The following D2HGDH variants were observed in gnomAD, a reference collection of about 807,000 sequenced individuals.
D2HGDH encodes D-2-hydroxyglutarate dehydrogenase, mitochondrial.
In D2HGDH, 31 loss-of-function variants were observed where a neutral mutation model predicts 46.9. That is an observed-to-expected ratio of 0.66 (90% confidence interval 0.50 to 0.89). The LOEUF is 0.89. D2HGDH is among the 40% of genes least tolerant of loss of function. The pLI, the probability that D2HGDH is intolerant of heterozygous loss-of-function variation, is 0.00. For missense variants in D2HGDH, 698 were observed against 720.8 expected (o/e 0.97, Z 0.36); for synonymous variants, 364 against 332.6 (o/e 1.09, Z -1.03).
chr2:241,761,965 CT>C (rs1276882884), intron 9 of D2HGDH, among the ~76,000 whole-genome samples: 1 of 152,048 alleles, frequency 6.6e-6, no homozygotes, highest in Non-Finnish European at 1.5e-5. Flanking sequence ...TCTGTTCTCT[CT>C]TCTGATGTCT....
rs1210493345 is a variant in D2HGDH at position 241,768,107 on chromosome 2, C to T, written c.*138C>T. On this transcript the variant is annotated 3_prime_UTR_variant, in exon 10 of 10. Transcript: ENST00000321264. The stretch of plus-strand genomic sequence containing the variant: ...TGGTTGAAGGGACTGGGAGCCCGCA[C>T]TGGGGAACTGCCGGACGCAGGCCCT... 1.5e-6 allele frequency: 2 copies of T among 1,292,718 alleles called. No homozygotes were observed. Among genetic ancestry groups the T allele is most frequent in the Non-Finnish European group, 2.1e-6 (2 of 966,868 alleles). The allele number at this position is 1,292,718 out of a possible 1,614,324, so 80.1% of individuals were successfully genotyped here.
chr2:241,735,531 G>C lies in D2HGDH; in HGVS notation c.292+15G>C. On this transcript the variant is annotated intron_variant, in intron 2 of 9. Coordinates refer to ENST00000321264, the MANE Select transcript of D2HGDH (RefSeq NM_152783.5). Reference sequence around the variant, plus strand: ...GACGCTGCGAGGTGGGTGAGGCTTGGGAAGCTGCGGCGTTTCCGCGTCCCT... The same window carrying C: ...GACGCTGCGAGGTGGGTGAGGCTTGCGAAGCTGCGGCGTTTCCGCGTCCCT... The C allele has an allele frequency of 1.2e-6, 2 of 1,602,684 alleles. No homozygotes were observed. The highest frequency in any genetic ancestry group is 1.7e-6 in the Non-Finnish European group (2 of 1,179,614).
intron 8 of D2HGDH, among the ~76,000 whole-genome samples, chr2:241,754,183 T>A (rs1236732455): frequency 1.3e-5 from 2 of 152,028 alleles, no homozygotes; most frequent in Non-Finnish European, 2.9e-5. Flanking sequence ...GCCGGTCTGA[T>A]GAGGAGGTAA....
intron 2 of D2HGDH, among the ~76,000 whole-genome samples, chr2:241,739,054 C>T (rs559128494): frequency 5.7e-4 from 87 of 152,364 alleles, no homozygotes; most frequent in African/African-American, 1.9e-3. Context: ...GGGAGCTTCG[C>T]GGTGTGAAAA....
chr2:241,739,011 G>A (rs1270261595), intron 2 of D2HGDH, among the ~76,000 whole-genome samples: 1 of 152,238 alleles, frequency 6.6e-6, no homozygotes, highest in Non-Finnish European at 1.5e-5. Flanking sequence ...TGCTGCAGAC[G>A]TTTAGTGAGC....
intron 5 of D2HGDH, 51 bp from the exon 6 acceptor site, chr2:241,744,658 G>A (rs767173951): frequency 1.1e-5 from 18 of 1,613,180 alleles, no homozygotes; most frequent in Non-Finnish European, 1.4e-5. Context: ...GGCGACCGAC[G>A]TCTTGTCAGG....
intron 6 of D2HGDH, chr2:241,749,216 C>G (rs1696652871): frequency 9.8e-7 from 1 of 1,019,870 alleles, no homozygotes; most frequent in South Asian, 1.5e-5. Context: ...TCCCACACCC[C>G]AGCCCTCTAC....
chr2:241,739,239 C>T (rs145967151), intron 2 of D2HGDH, among the ~76,000 whole-genome samples: 16,821 of 152,252 alleles, frequency 0.11, 1,012 homozygotes, highest in South Asian at 0.21. Flanking sequence ...GTGTCTGGAA[C>T]GCGGCCTGGC....
intron 8 of D2HGDH, chr2:241,754,848 C>A: frequency 2.4e-6 from 1 of 412,726 alleles, no homozygotes; most frequent in Non-Finnish European, 4.1e-6. Flanking sequence ...AGTGATCCTC[C>A]TGCCTCAGCC....
At chr2:241,736,788 G>A (rs543741741) in intron 2 of D2HGDH, among the ~76,000 whole-genome samples, 1 of 151,698 alleles carries the variant, frequency 6.6e-6, no homozygotes, top group Admixed American at 6.6e-5. Flanking sequence ...AGCCTCCCAA[G>A]TAACTGGGAT....
intron 9 of D2HGDH, among the ~76,000 whole-genome samples, chr2:241,764,572 T>C (rs957612444): frequency 6.6e-6 from 1 of 152,152 alleles, no homozygotes; most frequent in African/African-American, 2.4e-5. Flanking sequence ...GCCTCGACCT[T>C]TGTCGGTTCT....
At chr2:241,761,897 C>T (rs1698858320) in intron 9 of D2HGDH, among the ~76,000 whole-genome samples, 6 of 152,006 alleles carry the variant, frequency 3.9e-5, no homozygotes, top group Admixed American at 3.9e-4. Context: ...ATGTCTTTTC[C>T]TCAGTGGATT....
rs946561141 is a variant in D2HGDH at position 241,743,781 on chromosome 2, G to A, written c.650G>A (p.Gly217Asp). The A allele has an allele frequency of 3.1e-6, 5 of 1,608,510 alleles. No individual in the cohort carries two copies. The highest frequency in any genetic ancestry group is 1.1e-5 in the South Asian group (1 of 90,052). Residue 217 changes from glycine to aspartate, a missense_variant, in exon 5 of 10, where the codon GGC (glycine) becomes GAC (aspartate). Physicochemically the swap from Gly to Asp is moderately conservative, Grantham distance 94. Coordinates refer to ENST00000321264, the MANE Select transcript of D2HGDH (RefSeq NM_152783.5). The surrounding 1 kb of genome is among the most constrained non-coding windows in gnomAD (Gnocchi z 4.8). ...GGAGGCCTGCGGTTTCTTCGATATG[G>A]CTCACTGCATGGGACTGTCCTGGGC... is the stretch of plus-strand genomic sequence containing the variant. ...NAGGLRFLRY[G>D]SLHGTVLGLE...
Position 241,735,416 on chromosome 2 carries a change from G to C in D2HGDH, c.192G>C (p.Lys64Asn). ...VRRLPFSTVS[K>N]QDLAAFERIV... is the part of the protein sequence containing the mutation. Reference sequence around the variant, plus strand: ...GCTTGCCGTTCTCCACGGTGTCTAAGCAGGACCTGGCCGCCTTTGAGCGCA... The same window carrying C: ...GCTTGCCGTTCTCCACGGTGTCTAACCAGGACCTGGCCGCCTTTGAGCGCA... Residue 64 changes from lysine to asparagine, a missense_variant, in exon 2 of 10, where the codon AAG becomes AAC. Lys to Asn is a moderately conservative substitution (Grantham distance 94, BLOSUM62 0). Transcript: ENST00000321264. 3.1e-6 allele frequency: 5 copies of C among 1,606,124 alleles called. No individual in the cohort carries two copies. Among genetic ancestry groups the C allele is most frequent in the Non-Finnish European group, 4.2e-6 (5 of 1,178,416 alleles).
At chr2:241,750,058 CAT>C (rs1395782190) in intron 6 of D2HGDH, 91 bp from the exon 7 acceptor site, 42 of 1,594,848 alleles carry the variant, frequency 2.6e-5, no homozygotes, top group East Asian at 8.9e-5. Context: ...CACCCACCCA[CAT>C]GAGTCGGGCT....
chr2:241,741,961 T>C (rs536269461), intron 3 of D2HGDH, among the ~76,000 whole-genome samples: 1 of 152,352 alleles, frequency 6.6e-6, no homozygotes, highest in South Asian at 2.1e-4. Flanking sequence ...CCCTAGCCAC[T>C]GGGTGTGCTC....
intron 9 of D2HGDH, among the ~76,000 whole-genome samples, chr2:241,758,372 A>G (rs1428001037): frequency 6.6e-6 from 1 of 152,060 alleles, no homozygotes; most frequent in Non-Finnish European, 1.5e-5. Flanking sequence ...AGGACTTTCA[A>G]GCTTTCCTTT....
chr2:241,736,585 C>G (rs1692890150), intron 2 of D2HGDH, among the ~76,000 whole-genome samples: 1 of 152,070 alleles, frequency 6.6e-6, no homozygotes, highest in South Asian at 2.1e-4. Context: ...AAAGACACTT[C>G]TCATTGGATT....
intron 6 of D2HGDH, 133 bp downstream of exon 6, chr2:241,745,010 C>A: frequency 1.6e-6 from 2 of 1,213,566 alleles, no homozygotes; most frequent in Non-Finnish European, 2.4e-6. Flanking sequence ...TGTCTCCTGA[C>A]ATCTCTGCTT....
Sources: gnomAD v4.1 joint callset for allele counts (sites outside exome capture counted in the v4.1 genomes callset) on GRCh38, gnomAD v4.1.1 for gene constraint, Gnocchi (gnomAD v3.1) non-coding constraint, MANE v1.5 for transcripts, NCBI Gene and HGNC (gene_info 2026-07-23, HGNC 2026-07-21) for gene names.